PIEZO1: variants seen among roughly 807,000 people sequenced by gnomAD.
PIEZO1 encodes the protein piezo type mechanosensitive ion channel component 1 (Er blood group).
A neutral mutation model predicts 297.2 loss-of-function variants in PIEZO1; 296 were observed. That is an observed-to-expected ratio of 1.00 (90% confidence interval 0.91 to 1.10). PIEZO1 has a LOEUF of 1.10. PIEZO1 is among the 50% of genes least tolerant of loss of function. The pLI, the probability that PIEZO1 is intolerant of heterozygous loss-of-function variation, is 0.00. For missense variants in PIEZO1, 5,018 were observed against 3,455.5 expected, an observed-to-expected ratio of 1.45 and a Z score of -11.34; for synonymous variants, 2,427 against 1,507.5, an observed-to-expected ratio of 1.61 and a Z score of -14.13.
At chr16:88,764,711 AC>A (rs1264560285) in intron 1 of PIEZO1, among the ~76,000 whole-genome samples, 1 of 148,774 alleles carries the variant, frequency 6.7e-6, no homozygotes, top group Non-Finnish European at 1.5e-5. Flanking sequence ...GGATCGCACC[AC>A]TGCACTCCAG....
Position 88,784,924 on chromosome 16 carries a change from A to G in PIEZO1, c.41T>C (p.Leu14Pro), listed in dbSNP as rs1908112233. The change falls in exon 1 of 51, where the codon CTG becomes CCG. Residue 14 changes from leucine (L) to proline (P), a missense_variant. Physicochemically the swap from Leu to Pro is moderately conservative, Grantham distance 98. Coordinates refer to ENST00000301015, the MANE Select transcript of PIEZO1 (RefSeq NM_001142864.4). ...ACCAGCCAGCAGCGCGCAGGGCAGC[A>G]GCAGCCAGTACAGGACCGCGCCGAG... is the stretch of plus-strand genomic sequence containing the variant. ...HVLGAVLYWLLLPCALLAACL... is the reference protein window; with the variant it reads ...HVLGAVLYWLPLPCALLAACL... 1.4e-6 allele frequency: 2 copies of G among 1,436,216 alleles called. No individual in the cohort carries two copies. Among genetic ancestry groups the G allele is most frequent in the Non-Finnish European group, 1.8e-6 (2 of 1,092,756 alleles). 89.0% of individuals were successfully genotyped at this position (1,436,216 alleles called of 1,614,324 possible).
Position 88,727,334 on chromosome 16 carries a change from G to A in PIEZO1, c.3302-142C>T, listed in dbSNP as rs1216621901. On this transcript the variant is annotated intron_variant, in intron 23 of 50. Transcript: ENST00000301015. ...CACGTCTGCCTGGGTGAGTGGCCGG[G>A]TGTCCCTGGGGGAGCCCCGGTGTGA... 5 of 1,004,658 alleles carry A rather than the reference G, an allele frequency of 5.0e-6. No individual in the cohort carries two copies. In the South Asian group the frequency reaches 8.5e-5, roughly 17 times the overall value. The allele number at this position is 1,004,658 out of a possible 1,614,324, so 62.2% of individuals were successfully genotyped here.
At chr16:88,758,231 C>T (rs1007829662) in intron 1 of PIEZO1, among the ~76,000 whole-genome samples, 12 of 152,276 alleles carry the variant, frequency 7.9e-5, no homozygotes, top group East Asian at 3.9e-4. Flanking sequence ...CCTTGTGCAC[C>T]GAGACCAACT....
At chr16:88,736,009 G>C in intron 12 of PIEZO1, 139 bp downstream of exon 12, 2 of 831,968 alleles carry the variant, frequency 2.4e-6, no homozygotes, top group South Asian at 3.6e-5. Flanking sequence ...GGCTGGCTCT[G>C]GGTGGGCAGA....
At position 88,743,717 on chromosome 16, in the gene PIEZO1, G is replaced by A. The variant is rs996734382; in HGVS notation, c.161-1295C>T. ...ACCCTGCACATCCCTAAGCCTGACCGTGAAGCAGCCCTCACGGATGCCCAG... is the reference window on the plus strand; with the variant it reads ...ACCCTGCACATCCCTAAGCCTGACCATGAAGCAGCCCTCACGGATGCCCAG... On this transcript the variant is annotated intron_variant, in intron 2 of 50. Coordinates refer to ENST00000301015, the MANE Select transcript of PIEZO1 (RefSeq NM_001142864.4). 31 of 448,252 alleles carry A rather than the reference G, an allele frequency of 6.9e-5. No homozygotes were observed. In the East Asian group the frequency reaches 1.6e-3, roughly 23 times the overall value. The allele number at this position is 448,252 out of a possible 1,614,324, so 27.8% of individuals were successfully genotyped here. A position where few individuals can be genotyped will look rare whatever the true frequency, so the allele number is the denominator to read the frequency against.
intron 44 of PIEZO1, chr16:88,718,058 G>C (rs1912176966): frequency 7.9e-6 from 2 of 252,796 alleles, no homozygotes; most frequent in South Asian, 7.9e-5. Flanking sequence ...ACTTCAGCCT[G>C]AGATCCTATC....
intron 1 of PIEZO1, among the ~76,000 whole-genome samples, chr16:88,769,516 G>A (rs1338989213): frequency 1.3e-5 from 2 of 152,182 alleles, no homozygotes; most frequent in African/African-American, 2.4e-5. Context: ...GGAACGCCTC[G>A]GCAGCAATGG....
chr16:88,742,418 G>C lies in PIEZO1; in HGVS notation c.165C>G (p.His55Gln), dbSNP rs1905742526. 6.5e-7 allele frequency: 1 copy of C among 1,534,578 alleles called. No individual in the cohort carries two copies. Among genetic ancestry groups the C allele is most frequent in the Non-Finnish European group, 8.7e-7 (1 of 1,146,550 alleles). Residue 55 changes from histidine (H) to glutamine (Q), a missense_variant, in exon 3 of 51, where the codon CAC becomes CAG. Coordinates refer to ENST00000301015, the MANE Select transcript of PIEZO1 (RefSeq NM_001142864.4). ...GCAATGCCCGCAGGAGGCGGCCTGT[G>C]TGACCTGCGGCAGAGCGAGTGGGTG... ...PGPTRCGLQGHTGRLLRALLG... is the reference protein window; with the variant it reads ...PGPTRCGLQGQTGRLLRALLG...
chr16:88,752,543 G>A (rs138694910), intron 1 of PIEZO1, among the ~76,000 whole-genome samples: 132 of 152,342 alleles, frequency 8.7e-4, no homozygotes, highest in African/African-American at 3.0e-3. Flanking sequence ...CCTGAAATCT[G>A]CAAAGGATTC....
In PIEZO1 at chr16:88,728,885, T is replaced by C. The variant is rs59125785; in HGVS notation, c.3197-1224A>G. On this transcript the variant is annotated intron_variant, in intron 22 of 50. Transcript: ENST00000301015. ...GCCCCATCTGCCACAGAGGGAACCT[T>C]GCGACACAAAAACAAAGTGACCCTC... Among the ~76,000 whole-genome samples, 11 of 4,514 alleles carry C rather than the reference T, an allele frequency of 2.4e-3. 1 individual carries two copies. Among genetic ancestry groups the C allele is most frequent in the Admixed American group, 2.0e-3 (1 of 492 alleles). 3.0% of individuals were successfully genotyped at this position (4,514 alleles called of 152,430 possible).
intron 31 of PIEZO1, 38 bp from the exon 32 acceptor site, chr16:88,723,366 A>C (rs1052319791): frequency 1.3e-5 from 20 of 1,534,838 alleles, no homozygotes; most frequent in Non-Finnish European, 1.6e-5. Context: ...CGGCCTCCCG[A>C]GCCATCAGAC....
chr16:88,758,897 C>G (rs1030756774), intron 1 of PIEZO1, among the ~76,000 whole-genome samples: 3 of 152,222 alleles, frequency 2.0e-5, no homozygotes, highest in Non-Finnish European at 4.4e-5. Context: ...ATACAAGCCA[C>G]AGAGAGTCAG....
rs1248407551 is a variant in PIEZO1, at chr16:88,716,354, C to T, written c.7049+7G>A. On this transcript the variant is annotated splice_region_variant and intron_variant, in intron 48 of 50. Coordinates refer to ENST00000301015, the MANE Select transcript of PIEZO1 (RefSeq NM_001142864.4). Reference sequence around the variant, plus strand: ...CCTCCTGCCCACCACCCGGGCCCTTCACTCACACAGACTGGTCCGAGGTGC... The same window carrying T: ...CCTCCTGCCCACCACCCGGGCCCTTTACTCACACAGACTGGTCCGAGGTGC... 6.5e-7 allele frequency: 1 copy of T among 1,527,300 alleles called. No individual in the cohort carries two copies. The highest frequency in any genetic ancestry group is 8.8e-7 in the Non-Finnish European group (1 of 1,132,910). The allele number at this position is 1,527,300 out of a possible 1,614,324, so 94.6% of individuals were successfully genotyped here.
chr16:88,759,342 G>T (rs1906818900), intron 1 of PIEZO1, among the ~76,000 whole-genome samples: 1 of 152,218 alleles, frequency 6.6e-6, no homozygotes, highest in African/African-American at 2.4e-5. Context: ...GCCGGGTGAG[G>T]GCAGGCGAGG....
At chr16:88,763,518 A>G (rs1309906799) in intron 1 of PIEZO1, among the ~76,000 whole-genome samples, 1 of 152,204 alleles carries the variant, frequency 6.6e-6, no homozygotes, top group African/African-American at 2.4e-5. Context: ...TCCCGATTTA[A>G]AAAACAAAAC....
chr16:88,744,836 C>T (rs2142851548), intron 2 of PIEZO1, among the ~76,000 whole-genome samples: 1 of 152,062 alleles, frequency 6.6e-6, no homozygotes, highest in East Asian at 1.9e-4. Flanking sequence ...GACTAGGGAG[C>T]TGAGAGTCCG....
Position 88,727,038 on chromosome 16 carries a change from C to A in PIEZO1, c.3455+1G>T. 2.6e-6 allele frequency: 4 copies of A among 1,548,818 alleles called. No individual in the cohort carries two copies. Among genetic ancestry groups the A allele is most frequent in the Non-Finnish European group, 3.5e-6 (4 of 1,145,688 alleles). On this transcript the variant is annotated splice_donor_variant, in intron 24 of 50. Transcript: ENST00000301015. LOFTEE classifies it high-confidence loss of function. ...CCCGTGGAGGGTGACGTGGAACCCA[C>A]CTGCAGTGGATAAAGTTGGGCACGG...
At chr16:88,727,398 G>A (rs1397782096) in intron 23 of PIEZO1, among the ~76,000 whole-genome samples, 159 bp downstream of exon 23, 6 of 152,130 alleles carry the variant, frequency 3.9e-5, no homozygotes, top group South Asian at 2.1e-4. Flanking sequence ...ACAGGCTGAG[G>A]TCTGCGTGCG....
intron 1 of PIEZO1, among the ~76,000 whole-genome samples, chr16:88,756,355 C>T (rs941924832): frequency 6.6e-6 from 1 of 152,174 alleles, no homozygotes; most frequent in Non-Finnish European, 1.5e-5. Context: ...CTCTGGACCC[C>T]ACAATGGCCG....
Sources: allele counts gnomAD v4.1 joint callset (sites outside exome capture counted in the v4.1 genomes callset), GRCh38; gene constraint gnomAD v4.1.1; transcripts MANE v1.5; gene names NCBI Gene and HGNC (gene_info 2026-07-23, HGNC 2026-07-21).